The following FNDC3B variants were observed in gnomAD, a reference collection of about 807,000 sequenced individuals.
FNDC3B encodes fibronectin type III domain containing 3B, also known as fibronectin type III domain-containing protein 3B.
FNDC3B carries 12 observed loss-of-function variants against 151.5 expected under a neutral mutation model. The observed-to-expected ratio is 0.08, with a 90% confidence interval of 0.05 to 0.13. FNDC3B has a LOEUF of 0.13. FNDC3B is among the 10% of genes least tolerant of loss of function. The probability of loss-of-function intolerance (pLI) is 1.00; values close to 1 mark genes in which losing one functional copy is unlikely to be tolerated. For synonymous variants in FNDC3B, 528 were observed against 549.0 expected (o/e 0.96, Z 0.54); for missense variants, 1,214 against 1,505.3 (o/e 0.81, Z 3.20).
chr3:172,301,461 T>C (rs1730906514), intron 9 of FNDC3B, among the ~76,000 whole-genome samples: 1 of 152,220 alleles, frequency 6.6e-6, no homozygotes, highest in South Asian at 2.1e-4. Flanking sequence ...GCAAATATTT[T>C]AAATGTAGCA....
intron 2 of FNDC3B, among the ~76,000 whole-genome samples, chr3:172,114,572 A>G (rs2108543675): frequency 6.6e-6 from 1 of 152,270 alleles, no homozygotes; most frequent in Non-Finnish European, 1.5e-5. Context: ...GAAGCTGCTT[A>G]ACAATTTTGG....
At chr3:172,089,955 G>A (rs1718730356) in intron 1 of FNDC3B, among the ~76,000 whole-genome samples, 1 of 152,196 alleles carries the variant, frequency 6.6e-6, no homozygotes, top group African/African-American at 2.4e-5. Context: ...ATTTGTATCA[G>A]TGTTTTGGGT....
rs553297947 is a variant in FNDC3B at position 172,362,611 on chromosome 3, A to AT, written c.2796-12dup. The AT allele has an allele frequency of 5.1e-3, 7,192 of 1,411,672 alleles. 8 individuals carry two copies. Among genetic ancestry groups the AT allele is most frequent in the African/African-American group, 0.018 (1,259 of 70,428 alleles). 87.4% of individuals were successfully genotyped at this position (1,411,672 alleles called of 1,614,324 possible). A position where few individuals can be genotyped will look rare whatever the true frequency, so the allele number is the denominator to read the frequency against. Reference sequence around the variant, plus strand: ...TGCTGCTTTAACCTGCATTGTCTGTATTTTTTTTTTCCTTTCTCTAGGATC... The same window carrying AT: ...TGCTGCTTTAACCTGCATTGTCTGTATTTTTTTTTTTCCTTTCTCTAGGATC... On this transcript the variant is annotated intron_variant, in intron 22 of 25. Coordinates refer to ENST00000415807, the MANE Select transcript of FNDC3B (RefSeq NM_022763.4).
chr3:172,189,957 T>C (rs911654230), intron 3 of FNDC3B, among the ~76,000 whole-genome samples: 10 of 152,218 alleles, frequency 6.6e-5, no homozygotes, highest in African/African-American at 2.4e-4. Flanking sequence ...TATTGTGTCT[T>C]GGCAGTATGC....
intron 23 of FNDC3B, among the ~76,000 whole-genome samples, chr3:172,364,012 G>A (rs1430940700): frequency 6.6e-6 from 1 of 152,188 alleles, no homozygotes; most frequent in Non-Finnish European, 1.5e-5. Flanking sequence ...GGCAAACCTG[G>A]TAATTTTTAT....
Position 172,206,731 on chromosome 3 carries a change from A to G in FNDC3B, c.188-20140A>G, listed in dbSNP as rs188822263. On this transcript the variant is annotated intron_variant, in intron 3 of 25. Transcript: ENST00000415807. Reference sequence around the variant, plus strand: ...ATTTTAGAAAGTGAGTTATAAAAAAATAAAAATAGGTCACACTTTATTGTG... The same window carrying G: ...ATTTTAGAAAGTGAGTTATAAAAAAGTAAAAATAGGTCACACTTTATTGTG... Among the ~76,000 whole-genome samples the G allele has an allele frequency of 1.5e-3, 230 of 152,142 alleles. 1 individual carries two copies. Among genetic ancestry groups the G allele is most frequent in the South Asian group, 9.1e-3 (44 of 4,824 alleles).
At chr3:172,350,775 C>T (rs1161867286) in intron 21 of FNDC3B, among the ~76,000 whole-genome samples, 2 of 152,072 alleles carry the variant, frequency 1.3e-5, no homozygotes, top group Non-Finnish European at 2.9e-5. Context: ...ATCACTTGAG[C>T]CTGGCAAGCA....
intron 7 of FNDC3B, 143 bp from the exon 8 acceptor site, chr3:172,295,220 A>C: frequency 1.4e-6 from 1 of 705,022 alleles, no homozygotes. Context: ...GGACTTTGAA[A>C]GAGAGCACCA....
intron 3 of FNDC3B, among the ~76,000 whole-genome samples, chr3:172,198,267 T>G (rs896291142): frequency 6.6e-6 from 1 of 152,156 alleles, no homozygotes; most frequent in Non-Finnish European, 1.5e-5. Flanking sequence ...AGCCAAGATC[T>G]GTGGGGGGGT....
intron 3 of FNDC3B, among the ~76,000 whole-genome samples, chr3:172,159,961 G>A (rs530527396): frequency 1.7e-3 from 266 of 152,306 alleles, no homozygotes; most frequent in African/African-American, 5.9e-3. Context: ...AGGAAAATCA[G>A]GACCCTTTTA....
chr3:172,355,778 A>G (rs1734066912), intron 22 of FNDC3B, among the ~76,000 whole-genome samples: 1 of 152,178 alleles, frequency 6.6e-6, no homozygotes, highest in Non-Finnish European at 1.5e-5. Context: ...CACTGTCTTC[A>G]TTAGCACAGG....
chr3:172,134,244 A>G (rs1050620975), intron 3 of FNDC3B: 1 of 453,824 alleles, frequency 2.2e-6, no homozygotes, highest in African/African-American at 2.0e-5. Flanking sequence ...TAGTGTGTAT[A>G]CTAATGCCTC....
At chr3:172,282,674 T>C (rs559379950) in intron 6 of FNDC3B, among the ~76,000 whole-genome samples, 20 of 152,354 alleles carry the variant, frequency 1.3e-4, no homozygotes, top group South Asian at 2.1e-4. Context: ...AGATCTCCTC[T>C]GCTGCCTTCT....
intron 10 of FNDC3B, among the ~76,000 whole-genome samples, chr3:172,310,563 A>G (rs1299553174): frequency 6.6e-6 from 1 of 152,208 alleles, no homozygotes; most frequent in Non-Finnish European, 1.5e-5. Context: ...ATGAGGGTGT[A>G]AAAAGGGAGA....
intron 5 of FNDC3B, among the ~76,000 whole-genome samples, chr3:172,250,983 A>AT (rs1364555025): frequency 6.6e-6 from 1 of 151,908 alleles, no homozygotes; most frequent in Non-Finnish European, 1.5e-5. Flanking sequence ...CGCCTGGCTA[A>AT]TTTTTTGTAT....
intron 3 of FNDC3B, among the ~76,000 whole-genome samples, chr3:172,176,961 AAACCT>A (rs879289261): frequency 5.9e-5 from 9 of 152,120 alleles, no homozygotes; most frequent in Non-Finnish European, 1.2e-4. Context: ...TACTAAGACA[AAACCT>A]AAGGGGTAAG....
rs1227734253 is a variant in FNDC3B at position 172,285,999 on chromosome 3, T to C, written c.849+15T>C. 6.3e-7 allele frequency: 1 copy of C among 1,593,562 alleles called. No homozygotes were observed. The highest frequency in any genetic ancestry group is 1.3e-5 in the African/African-American group (1 of 74,086). The stretch of plus-strand genomic sequence containing the variant: ...AGAAACCACAGGTATGTCTTCTGGA[T>C]TTCTCAGCATAAATGACACTTTTTA... On this transcript the variant is annotated intron_variant, in intron 7 of 25. Transcript: ENST00000415807.
chr3:172,363,972 G>A (rs1182481575), intron 23 of FNDC3B, among the ~76,000 whole-genome samples: 2 of 152,224 alleles, frequency 1.3e-5, no homozygotes, highest in African/African-American at 2.4e-5. Flanking sequence ...CTTGAAAGAG[G>A]TGACATTTGA....
chr3:172,068,833 A>G (rs917859763), intron 1 of FNDC3B, among the ~76,000 whole-genome samples: 2 of 152,338 alleles, frequency 1.3e-5, no homozygotes, highest in African/African-American at 4.8e-5. Context: ...AATGCTTTAC[A>G]TGCATTTCTT....
Sources: allele counts gnomAD v4.1 joint callset (sites outside exome capture counted in the v4.1 genomes callset), GRCh38; gene constraint gnomAD v4.1.1; transcripts MANE v1.5; gene names NCBI Gene and HGNC (gene_info 2026-07-23, HGNC 2026-07-21).